CDH18: variants seen among roughly 807,000 people sequenced by gnomAD.
The protein encoded by CDH18 is cadherin-18.
A neutral mutation model predicts 67.9 loss-of-function variants in CDH18; 31 were observed. The ratio of observed to expected loss-of-function variants is 0.46; its 90% confidence interval spans 0.34 to 0.62. The LOEUF (loss-of-function observed/expected upper bound fraction) is 0.62. Among genes scored for constraint, CDH18 ranks in the 20% least tolerant of loss-of-function variants. The pLI is 0.01. For missense variants in CDH18, 890 were observed against 975.5 expected (o/e 0.91, Z 1.17); for synonymous variants, 362 against 347.2 (o/e 1.04, Z -0.48).
At chr5:20,550,478 C>A (rs995283305) in intron 1 of CDH18, among the ~76,000 whole-genome samples, 1 of 152,124 alleles carries the variant, frequency 6.6e-6, no homozygotes, top group Non-Finnish European at 1.5e-5. Flanking sequence ...TAGAACTTTT[C>A]TTCTCTAAAT....
intron 2 of CDH18, among the ~76,000 whole-genome samples, chr5:20,228,063 T>G (rs1219793159): frequency 6.6e-6 from 1 of 152,164 alleles, no homozygotes; most frequent in Admixed American, 6.6e-5. Context: ...TTTTCTATCA[T>G]ATGACAGTAT....
At chr5:20,511,221 T>G (rs1371040622) in intron 1 of CDH18, among the ~76,000 whole-genome samples, 1 of 152,210 alleles carries the variant, frequency 6.6e-6, no homozygotes, top group African/African-American at 2.4e-5. Context: ...GCTTTTACTT[T>G]ATATTACAAC....
intron 2 of CDH18, among the ~76,000 whole-genome samples, chr5:20,124,036 T>G (rs2126435064): frequency 6.6e-6 from 1 of 152,280 alleles, no homozygotes; most frequent in South Asian, 2.1e-4. Context: ...TATAAAATTT[T>G]ATGTAAGGAT....
chr5:19,851,949 A>T (rs545568249), intron 2 of CDH18, among the ~76,000 whole-genome samples: 1 of 152,142 alleles, frequency 6.6e-6, no homozygotes, highest in Admixed American at 6.6e-5. Flanking sequence ...GTATGTATAG[A>T]ATGTGTTTCT....
chr5:19,658,581 T>C (rs1580734786), intron 5 of CDH18, among the ~76,000 whole-genome samples: 1 of 152,244 alleles, frequency 6.6e-6, no homozygotes. Flanking sequence ...TAACTGCCTA[T>C]AATAAAAAGT....
chr5:20,312,353 T>A (rs2149991384), intron 1 of CDH18, among the ~76,000 whole-genome samples: 1 of 152,272 alleles, frequency 6.6e-6, no homozygotes, highest in South Asian at 2.1e-4. Context: ...AGCAAGATAA[T>A]ACATTATGGC....
At chr5:20,532,149 A>G (rs1756441397) in intron 1 of CDH18, among the ~76,000 whole-genome samples, 1 of 152,180 alleles carries the variant, frequency 6.6e-6, no homozygotes, top group Admixed American at 6.6e-5. Context: ...ATCTCATTAA[A>G]AATGAACTTA....
chr5:19,560,810 C>A (rs1444984364), intron 8 of CDH18, among the ~76,000 whole-genome samples: 1 of 151,262 alleles, frequency 6.6e-6, no homozygotes, highest in African/African-American at 2.4e-5. Context: ...TTAAACAAAT[C>A]AGCAAGAAAA....
At chr5:19,559,352 A>C (rs2127197369) in intron 8 of CDH18, among the ~76,000 whole-genome samples, 1 of 152,200 alleles carries the variant, frequency 6.6e-6, no homozygotes, top group South Asian at 2.1e-4. Context: ...CATAGCAGGG[A>C]TGCAGGTATG....
At chr5:20,502,385 C>T (rs996739493) in intron 1 of CDH18, among the ~76,000 whole-genome samples, 9 of 152,118 alleles carry the variant, frequency 5.9e-5, no homozygotes, top group Non-Finnish European at 1.2e-4. Flanking sequence ...CAAGGATTTT[C>T]TTCTTATTCA....
At chr5:19,666,237 T>TTTATTATTA (rs70950082) in intron 5 of CDH18, among the ~76,000 whole-genome samples, 2,826 of 128,122 alleles carry the variant, frequency 0.022, 57 homozygotes, top group Middle Eastern at 0.035. Context: ...CTGTATGATT[T>TTTATTATTA]TTATTATTAT....
chr5:20,198,886 G>A (rs1159229637), intron 2 of CDH18, among the ~76,000 whole-genome samples: 1 of 152,200 alleles, frequency 6.6e-6, no homozygotes, highest in Non-Finnish European at 1.5e-5. Context: ...TGTTTCAGAG[G>A]GTACAAGCCT....
At chr5:20,309,852 T>A (rs573571963) in intron 1 of CDH18, among the ~76,000 whole-genome samples, 35 of 152,336 alleles carry the variant, frequency 2.3e-4, no homozygotes, top group African/African-American at 8.4e-4. Flanking sequence ...ATTGTCAAAT[T>A]GACAGAGTTC....
chr5:20,254,356 C>G (rs1209639112), intron 2 of CDH18, among the ~76,000 whole-genome samples: 2 of 152,170 alleles, frequency 1.3e-5, no homozygotes, highest in African/African-American at 2.4e-5. Flanking sequence ...AGGTGATCAG[C>G]CTGCCTCATC....
At chr5:20,261,729 T>TAA (rs540501991) in intron 1 of CDH18, among the ~76,000 whole-genome samples, 210 of 147,224 alleles carry the variant, frequency 1.4e-3, no homozygotes, top group African/African-American at 4.5e-3. Context: ...AGACTCCGTT[T>TAA]AAAAAAAAAA....
intron 1 of CDH18, among the ~76,000 whole-genome samples, chr5:20,276,522 A>C (rs1745824915): frequency 6.6e-6 from 1 of 152,192 alleles, no homozygotes; most frequent in Non-Finnish European, 1.5e-5. Context: ...TTGAGCCCTG[A>C]ATAGTCAGAA....
Position 19,841,315 on chromosome 5 carries a change from A to C in CDH18, c.-256-2073T>G, listed in dbSNP as rs376413795. The stretch of plus-strand genomic sequence containing the variant: ...CTAAAATATAAGAGAGAGCAATACT[A>C]TTCTAGCTTCAAAATGGCAAGAGCA... On this transcript the variant is annotated intron_variant, in intron 2 of 12. Coordinates refer to ENST00000382275, the MANE Select transcript of CDH18 (RefSeq NM_004934.5). Among the ~76,000 whole-genome samples, 12 of 152,302 alleles carry C rather than the reference A, an allele frequency of 7.9e-5. No homozygotes were observed. The East Asian group carries it at 1.3e-3, about 17-fold the overall frequency.
intron 2 of CDH18, among the ~76,000 whole-genome samples, chr5:20,080,588 C>A (rs540365966): frequency 6.6e-6 from 1 of 151,908 alleles, no homozygotes; most frequent in East Asian, 1.9e-4. Flanking sequence ...AGCAGAATTG[C>A]CTGAAATGAT....
At chr5:19,632,211 G>A (rs1051778756) in intron 5 of CDH18, among the ~76,000 whole-genome samples, 2 of 152,120 alleles carry the variant, frequency 1.3e-5, no homozygotes, top group Non-Finnish European at 1.5e-5. Flanking sequence ...TTTCTCCAAA[G>A]CAGACATATA....
Sources: allele counts gnomAD v4.1 joint callset (sites outside exome capture counted in the v4.1 genomes callset), GRCh38; gene constraint gnomAD v4.1.1; transcripts MANE v1.5; gene names NCBI Gene and HGNC (gene_info 2026-07-23, HGNC 2026-07-21).